Variants in GMDS observed in about 807,000 individuals in gnomAD.
GMDS encodes the protein GDP-mannose 4,6-dehydratase.
Under a neutral mutation model 49.9 loss-of-function variants are expected in GMDS, and 20 were observed. That is an observed-to-expected ratio of 0.40 (90% CI 0.28 to 0.58). GMDS has a LOEUF of 0.58. Ranked by LOEUF, GMDS falls within the 20% of genes least tolerant of loss-of-function variation. The pLI, the probability that GMDS is intolerant of heterozygous loss-of-function variation, is 0.42. For missense variants in GMDS, 362 were observed against 481.4 expected, an observed-to-expected ratio of 0.75 and a Z score of 2.32; for synonymous variants, 177 against 178.6, an observed-to-expected ratio of 0.99 and a Z score of 0.07.
intron 9 of GMDS, among the ~76,000 whole-genome samples, chr6:1,688,175 T>A (rs938384632): frequency 6.6e-6 from 1 of 152,042 alleles, no homozygotes; most frequent in African/African-American, 2.4e-5. Flanking sequence ...ATGGATAAGT[T>A]GTGGGGTGTG....
chr6:1,802,232 T>C (rs1371443407), intron 7 of GMDS, among the ~76,000 whole-genome samples: 3 of 152,238 alleles, frequency 2.0e-5, no homozygotes, highest in Non-Finnish European at 2.9e-5. Flanking sequence ...AAATTAATAC[T>C]GTCCTAATGA....
At chr6:2,086,190 T>C (rs1038808258) in intron 4 of GMDS, among the ~76,000 whole-genome samples, 3 of 152,108 alleles carry the variant, frequency 2.0e-5, no homozygotes, top group Non-Finnish European at 4.4e-5. Context: ...TGACTCTAAA[T>C]CAATCTCTGT....
chr6:2,215,504 G>T (rs1780286651), intron 1 of GMDS, among the ~76,000 whole-genome samples: 1 of 151,038 alleles, frequency 6.6e-6, no homozygotes, highest in South Asian at 2.1e-4. Flanking sequence ...CCATGACTCA[G>T]TGATCTCCCA....
At chr6:2,039,940 C>T (rs965011785) in intron 4 of GMDS, among the ~76,000 whole-genome samples, 1 of 152,214 alleles carries the variant, frequency 6.6e-6, no homozygotes, top group South Asian at 2.1e-4. Flanking sequence ...TTCTATACCA[C>T]TGGCAGTGCA....
At chr6:1,821,861 G>A (rs757475302) in intron 7 of GMDS, among the ~76,000 whole-genome samples, 3 of 152,008 alleles carry the variant, frequency 2.0e-5, no homozygotes, top group South Asian at 4.2e-4. Flanking sequence ...GGGAGGGGAC[G>A]CCAATTCTGC....
chr6:1,811,524 T>C (rs1256458164), intron 7 of GMDS, among the ~76,000 whole-genome samples: 1 of 150,662 alleles, frequency 6.6e-6, no homozygotes, highest in Non-Finnish European at 1.5e-5. Context: ...ATCTTATTTG[T>C]ACAATAATTA....
intron 9 of GMDS, among the ~76,000 whole-genome samples, chr6:1,704,287 A>G (rs1338394692): frequency 2.1e-5 from 3 of 140,200 alleles, no homozygotes; most frequent in African/African-American, 8.1e-5. Context: ...CTGAGATTCA[A>G]GGCGGGGTGG....
intron 4 of GMDS, among the ~76,000 whole-genome samples, chr6:1,964,548 A>G (rs750273856): frequency 6.6e-6 from 1 of 152,200 alleles, no homozygotes; most frequent in African/African-American, 2.4e-5. Context: ...TTATATGTGG[A>G]TATGTTACAT....
chr6:2,149,710 T>C (rs1294834420), intron 1 of GMDS, among the ~76,000 whole-genome samples: 1 of 152,232 alleles, frequency 6.6e-6, no homozygotes. Flanking sequence ...ATAAATTACT[T>C]TGAAGTGTAT....
chr6:2,017,232 T>A (rs2127401384), intron 4 of GMDS, among the ~76,000 whole-genome samples: 1 of 151,892 alleles, frequency 6.6e-6, no homozygotes, highest in South Asian at 2.1e-4. Flanking sequence ...ATGCCAGGAA[T>A]GAAAGACAGC....
intron 4 of GMDS, among the ~76,000 whole-genome samples, chr6:1,996,153 TTCCTTCC>T (rs2127371710): frequency 6.6e-6 from 1 of 151,604 alleles, no homozygotes; most frequent in East Asian, 1.9e-4. Flanking sequence ...CTCCTTCCTC[TTCCTTCC>T]TCCTTCCTCT....
At chr6:2,067,685 G>A (rs1271953275) in intron 4 of GMDS, among the ~76,000 whole-genome samples, 1 of 152,002 alleles carries the variant, frequency 6.6e-6, no homozygotes, top group Non-Finnish European at 1.5e-5. Context: ...TAAATTCCTC[G>A]ACACATACAC....
chr6:1,749,527 A>G (rs796419437), intron 7 of GMDS, among the ~76,000 whole-genome samples: 7 of 152,000 alleles, frequency 4.6e-5, no homozygotes, highest in African/African-American at 1.7e-4. Context: ...CTGGAGGCGG[A>G]GGTGGCAGTG....
In GMDS at chr6:1,742,557, C is replaced by T. The variant is rs1021853004; in HGVS notation, c.801G>A (p.Glu267=). 6 of 1,609,710 alleles carry T rather than the reference C, an allele frequency of 3.7e-6. No homozygotes were observed. Among genetic ancestry groups the T allele is most frequent in the Non-Finnish European group, 5.1e-6 (6 of 1,176,030 alleles). The change falls in exon 8 of 11, where the codon GAG becomes GAA. Residue 267 remains glutamate, a synonymous_variant. Transcript: ENST00000380815. ...EAMWLMLQND[E]PEDFVIATGE... is the part of the protein sequence containing the mutation. ...CAGTAGCTATAACGAAGTCCTCCGG[C>T]TCATCATTCTGCAACATCAACCACA...
At chr6:1,829,549 C>T (rs1331687905) in intron 7 of GMDS, among the ~76,000 whole-genome samples, 1 of 152,180 alleles carries the variant, frequency 6.6e-6, no homozygotes, top group Non-Finnish European at 1.5e-5. Flanking sequence ...GGTGATGCTC[C>T]TGCCTCAGCC....
intron 9 of GMDS, among the ~76,000 whole-genome samples, chr6:1,693,556 A>G (rs903348263): frequency 2.0e-5 from 3 of 152,208 alleles, no homozygotes; most frequent in Admixed American, 1.3e-4. Flanking sequence ...TCCAGTGTGT[A>G]CTAAAAAACA....
At chr6:1,741,101 T>C (rs9378654) in intron 8 of GMDS, among the ~76,000 whole-genome samples, 13,977 of 152,214 alleles carry the variant, frequency 0.092, 727 homozygotes, top group African/African-American at 0.14. Context: ...TTTTGATATT[T>C]TGACACATGT....
At chr6:2,119,968 A>G (rs918249144) in intron 2 of GMDS, among the ~76,000 whole-genome samples, 1 of 152,202 alleles carries the variant, frequency 6.6e-6, no homozygotes, top group Non-Finnish European at 1.5e-5. Context: ...TTTATTATTT[A>G]TTAATTATGA....
At chr6:2,030,031 T>C (rs547385355) in intron 4 of GMDS, among the ~76,000 whole-genome samples, 12 of 152,184 alleles carry the variant, frequency 7.9e-5, no homozygotes, top group African/African-American at 2.6e-4. Context: ...CCCAGTGATA[T>C]GAAGACAGTC....
Sources: allele counts gnomAD v4.1 joint callset (sites outside exome capture counted in the v4.1 genomes callset), GRCh38; gene constraint gnomAD v4.1.1; transcripts MANE v1.5; gene names NCBI Gene and HGNC (gene_info 2026-07-23, HGNC 2026-07-21).